Variants in AGMO observed in about 807,000 individuals in gnomAD.
AGMO encodes glyceryl-ether monooxygenase.
AGMO carries 75 observed loss-of-function variants against 60.2 expected under a neutral mutation model. The observed-to-expected ratio is 1.25, with a 90% CI of 1.03 to 1.51. The LOEUF is 1.51. Among genes scored for constraint, AGMO ranks in the 40% most tolerant of loss-of-function variants. The pLI is 0.00. For missense variants in AGMO, 763 were observed against 525.5 expected, an observed-to-expected ratio of 1.45 and a Z score of -4.42; for synonymous variants, 261 against 177.1, an observed-to-expected ratio of 1.47 and a Z score of -3.76.
At chr7:15,151,427 T>C in the AGMO span, among the ~76,000 whole-genome samples, 1 of 152,098 alleles carries the variant, frequency 6.6e-6, no homozygotes, top group Non-Finnish European at 1.5e-5. Flanking sequence ...TTTGAGATCT[T>C]TCTAACTTCT....
chr7:15,501,502 GA>G (rs1388341192), intron 3 of AGMO, among the ~76,000 whole-genome samples: 19 of 151,786 alleles, frequency 1.3e-4, no homozygotes, highest in African/African-American at 4.6e-4. Context: ...TCAAATGTGA[GA>G]AAAATGAACC....
chr7:15,473,725 GAGAA>G (rs1168645036), intron 3 of AGMO, among the ~76,000 whole-genome samples: 1 of 152,100 alleles, frequency 6.6e-6, no homozygotes, highest in Non-Finnish European at 1.5e-5. Flanking sequence ...AATCAGGCAA[GAGAA>G]AGAAATAAAT....
At chr7:15,139,540 G>A in the AGMO span, among the ~76,000 whole-genome samples, 2 of 151,926 alleles carry the variant, frequency 1.3e-5, no homozygotes, top group African/African-American at 4.8e-5. Context: ...GTAGGCCCCC[G>A]TGCCTGTAGT....
In AGMO at chr7:15,249,794, T is replaced by C. The variant is rs559214552; in HGVS notation, c.1264-48435A>G. Reference sequence around the variant, plus strand: ...TGTCTGGGAGATGGGTAGGAAACTATCTTCTCTCAAAATACTTTCCCCAGA... The same window carrying C: ...TGTCTGGGAGATGGGTAGGAAACTACCTTCTCTCAAAATACTTTCCCCAGA... On this transcript the variant is annotated intron_variant, in intron 12 of 12. Coordinates refer to ENST00000342526, the MANE Select transcript of AGMO (RefSeq NM_001004320.2). Among the ~76,000 whole-genome samples the C allele has an allele frequency of 1.6e-4, 24 of 152,304 alleles. No homozygotes were observed. The East Asian group carries it at 4.6e-3, about 29-fold the overall frequency.
chr7:15,522,512 A>C (rs1696378237), intron 3 of AGMO, among the ~76,000 whole-genome samples: 1 of 152,204 alleles, frequency 6.6e-6, no homozygotes, highest in African/African-American at 2.4e-5. Context: ...ATATAGAACA[A>C]TGGAACAGAA....
At chr7:15,509,517 A>C (rs1278888684) in intron 3 of AGMO, among the ~76,000 whole-genome samples, 1 of 152,130 alleles carries the variant, frequency 6.6e-6, no homozygotes, top group Non-Finnish European at 1.5e-5. Flanking sequence ...CTTAACATTG[A>C]CCTTGGAAAT....
intron 10 of AGMO, among the ~76,000 whole-genome samples, chr7:15,368,822 G>T (rs1293792393): frequency 6.6e-6 from 1 of 152,060 alleles, no homozygotes; most frequent in Non-Finnish European, 1.5e-5. Context: ...TATGATCCCT[G>T]GACAATACAA....
the AGMO span, among the ~76,000 whole-genome samples, chr7:15,131,933 G>C: frequency 6.6e-6 from 1 of 151,928 alleles, no homozygotes; most frequent in African/African-American, 2.4e-5. Flanking sequence ...GATCTAGAGT[G>C]ATAAAAATTC....
chr7:15,493,050 A>AGT (rs1783110643), intron 3 of AGMO, among the ~76,000 whole-genome samples: 1 of 152,174 alleles, frequency 6.6e-6, no homozygotes, highest in Admixed American at 6.5e-5. Flanking sequence ...GATTCCTAAG[A>AGT]GTGGAAGGGT....
At chr7:15,536,891 G>T (rs1440199938) in intron 3 of AGMO, among the ~76,000 whole-genome samples, 1 of 151,820 alleles carries the variant, frequency 6.6e-6, no homozygotes, top group Non-Finnish European at 1.5e-5. Context: ...AAATGAAAGT[G>T]GATAGAATTC....
chr7:15,395,146 A>C (rs1456747582), intron 5 of AGMO, among the ~76,000 whole-genome samples: 1 of 152,208 alleles, frequency 6.6e-6, no homozygotes, highest in Non-Finnish European at 1.5e-5. Flanking sequence ...AGAGCCTACC[A>C]ATGACAAAAT....
At chr7:15,160,176 A>G in the AGMO span, among the ~76,000 whole-genome samples, 23 of 152,308 alleles carry the variant, frequency 1.5e-4, no homozygotes, top group African/African-American at 5.5e-4. Context: ...AAGGGGATTG[A>G]TCACGGAACA....
At chr7:15,289,491 T>C (rs2128521508) in intron 12 of AGMO, among the ~76,000 whole-genome samples, 1 of 152,256 alleles carries the variant, frequency 6.6e-6, no homozygotes, top group Non-Finnish European at 1.5e-5. Context: ...GGTTTAGCCA[T>C]TTCTTAGGTA....
chr7:15,180,573 G>C, the AGMO span, among the ~76,000 whole-genome samples: 169 of 151,896 alleles, frequency 1.1e-3, no homozygotes, highest in Non-Finnish European at 1.6e-3. Flanking sequence ...TCTCTAAGAA[G>C]ATTTAGACTT....
chr7:15,325,335 C>A (rs1375030043), intron 12 of AGMO, among the ~76,000 whole-genome samples: 1 of 152,018 alleles, frequency 6.6e-6, no homozygotes, highest in Non-Finnish European at 1.5e-5. Context: ...TATATATTAG[C>A]ATTTCTACAT....
At chr7:15,181,066 G>A in the AGMO span, among the ~76,000 whole-genome samples, 2 of 152,242 alleles carry the variant, frequency 1.3e-5, no homozygotes, top group East Asian at 3.9e-4. Flanking sequence ...ATTCATGAGG[G>A]CAGATCCCTC....
In AGMO at chr7:15,379,169, GAA is replaced by G. The variant is rs147000937; in HGVS notation, c.1074+6275_1074+6276del. On this transcript the variant is annotated intron_variant, in intron 10 of 12. Coordinates refer to ENST00000342526, the MANE Select transcript of AGMO (RefSeq NM_001004320.2). ...ACTAGAAGTCCACATCAAGAAGTCA[GAA>G]ACATCTCAAGTTCACAACCTAGTAT... 3.0e-3 allele frequency among the ~76,000 whole-genome samples: 456 copies of G among 152,124 alleles called. 4 individuals carry two copies. The highest frequency in any genetic ancestry group is 0.011 in the African/African-American group (438 of 41,536).
At chr7:15,361,158 G>C (rs886343732) in intron 12 of AGMO, among the ~76,000 whole-genome samples, 1 of 151,854 alleles carries the variant, frequency 6.6e-6, no homozygotes, top group Non-Finnish European at 1.5e-5. Context: ...CACTGTCACT[G>C]TCATCAGCAC....
At chr7:15,193,956 A>G in the AGMO span, among the ~76,000 whole-genome samples, 10 of 152,168 alleles carry the variant, frequency 6.6e-5, no homozygotes, top group African/African-American at 2.4e-4. Flanking sequence ...TTTTCACAAT[A>G]TACCTCTCTA....
Sources: gnomAD v4.1 joint callset for allele counts (sites outside exome capture counted in the v4.1 genomes callset) on GRCh38, gnomAD v4.1.1 for gene constraint, MANE v1.5 for transcripts, NCBI Gene and HGNC (gene_info 2026-07-23, HGNC 2026-07-21) for gene names.